The following SERPINB7 variants were observed in gnomAD, a reference collection of about 807,000 sequenced individuals.
The protein encoded by SERPINB7 is serpin family B member 7.
SERPINB7 carries 31 observed loss-of-function variants against 37.4 expected under a neutral mutation model. The observed-to-expected ratio is 0.83, with a 90% CI of 0.62 to 1.12. The LOEUF is 1.12. Ranked by LOEUF, SERPINB7 falls within the 50% of genes most tolerant of loss-of-function variation. The pLI is 0.00. For synonymous variants in SERPINB7, 163 were observed against 166.1 expected, an observed-to-expected ratio of 0.98 and a Z score of 0.14; for missense variants, 521 against 455.3, an observed-to-expected ratio of 1.14 and a Z score of -1.31.
At chr18:63,761,668 T>G (rs1018337684) in intron 1 of SERPINB7, among the ~76,000 whole-genome samples, 4 of 152,160 alleles carry the variant, frequency 2.6e-5, no homozygotes, top group Non-Finnish European at 4.4e-5. Context: ...TCCTGTGCTA[T>G]TCTCGTGATA....
intron 1 of SERPINB7, among the ~76,000 whole-genome samples, chr18:63,755,024 C>G (rs574345347): frequency 2.7e-5 from 4 of 148,368 alleles, no homozygotes; most frequent in South Asian, 2.1e-4. Context: ...CTCAGCCTCC[C>G]GAGTAGCTGG....
At chr18:63,780,543 C>G (rs1271852573) in intron 1 of SERPINB7, among the ~76,000 whole-genome samples, 1 of 152,146 alleles carries the variant, frequency 6.6e-6, no homozygotes, top group Non-Finnish European at 1.5e-5. Context: ...TTTCTCGTCT[C>G]CTTTGTTGCA....
Position 63,782,417 on chromosome 18 carries a change from G to T in SERPINB7, c.45G>T (p.Leu15=). 6.2e-7 allele frequency: 1 copy of T among 1,614,154 alleles called. No individual in the cohort carries two copies. The highest frequency in any genetic ancestry group is 2.2e-5 in the East Asian group (1 of 44,882). Residue 15 remains leucine, a synonymous_variant, in exon 2 of 8, where the codon CTG becomes CTT. Coordinates refer to ENST00000398019, the MANE Select transcript of SERPINB7 (RefSeq NM_003784.4). ...AAANAEFCFN[L]FREMDDNQGN... is the part of the protein sequence containing the mutation. ...CAAATGCAGAGTTTTGCTTCAACCT[G>T]TTCAGAGAGATGGATGACAATCAAG...
intron 1 of SERPINB7, among the ~76,000 whole-genome samples, chr18:63,761,390 G>A (rs147867204): frequency 0.093 from 14,105 of 152,200 alleles, 695 homozygotes; most frequent in Middle Eastern, 0.11. Flanking sequence ...CAGGCTCATA[G>A]ACAGAAGGGA....
upstream of SERPINB7, among the ~76,000 whole-genome samples, chr18:63,774,040 G>A (rs531117320): frequency 6.6e-6 from 1 of 152,172 alleles, no homozygotes; most frequent in Admixed American, 6.5e-5. Context: ...TTCAGCCTAT[G>A]AACACTGCAA....
chr18:63,783,263 A>AAAGG (rs1568208009), intron 2 of SERPINB7, among the ~76,000 whole-genome samples: 2 of 149,412 alleles, frequency 1.3e-5, no homozygotes, highest in African/African-American at 5.0e-5. Flanking sequence ...AGAAAGAAAG[A>AAAGG]AAGAAAGAAA....
At chr18:63,778,582 A>T (rs965007934) in intron 1 of SERPINB7, among the ~76,000 whole-genome samples, 6 of 152,282 alleles carry the variant, frequency 3.9e-5, no homozygotes, top group Admixed American at 3.9e-4. Flanking sequence ...TTAGGTCCAT[A>T]AAATAGTATC....
intron 1 of SERPINB7, among the ~76,000 whole-genome samples, chr18:63,766,883 G>A (rs2049183679): frequency 1.3e-5 from 2 of 152,154 alleles, no homozygotes; most frequent in Admixed American, 6.5e-5. Context: ...AAGGCAACTA[G>A]TTACATAAAC....
At position 63,804,965 on chromosome 18, in the gene SERPINB7, T is replaced by G; in HGVS notation, c.*330T>G. ...GGTAAGGAGAACGTAGAAGTAGCCC[T>G]AGGGATCCTTTTTGAAACTCTACAG... is the stretch of plus-strand genomic sequence containing the variant. On this transcript the variant is annotated 3_prime_UTR_variant, in exon 8 of 8. Transcript: ENST00000398019. The G allele has an allele frequency of 4.0e-6, 1 of 248,376 alleles. No homozygotes were observed. Among genetic ancestry groups the G allele is most frequent in the Non-Finnish European group, 7.7e-6 (1 of 129,572 alleles). 15.4% of individuals were successfully genotyped at this position (248,376 alleles called of 1,614,324 possible). A position where few individuals can be genotyped will look rare whatever the true frequency, so the allele number is the denominator to read the frequency against.
intron 2 of SERPINB7, among the ~76,000 whole-genome samples, chr18:63,788,207 T>C (rs2049392252): frequency 6.6e-6 from 1 of 152,190 alleles, no homozygotes; most frequent in African/African-American, 2.4e-5. Flanking sequence ...ATTGTTATCA[T>C]AGGATATGAT....
At chr18:63,753,885 A>G (rs2049106115) in intron 1 of SERPINB7, among the ~76,000 whole-genome samples, 1 of 152,230 alleles carries the variant, frequency 6.6e-6, no homozygotes, top group South Asian at 2.1e-4. Flanking sequence ...TGAGCTTTAG[A>G]ATAACTCCAT....
At chr18:63,773,395 A>G (rs893658879), upstream of SERPINB7, among the ~76,000 whole-genome samples, 1 of 152,112 alleles carries the variant, frequency 6.6e-6, no homozygotes, top group African/African-American at 2.4e-5. Context: ...AACATTAAGT[A>G]TTCCCAGGTC....
chr18:63,791,902 A>G (rs575312815), intron 2 of SERPINB7, among the ~76,000 whole-genome samples: 24 of 152,174 alleles, frequency 1.6e-4, no homozygotes, highest in Non-Finnish European at 2.6e-4. Flanking sequence ...GAGCCACCGC[A>G]CCCGGCCAGT....
Position 63,778,403 on chromosome 18 carries a change from T to G in SERPINB7, c.-19+2687T>G, listed in dbSNP as rs189265463. Among the ~76,000 whole-genome samples, 137 of 152,290 alleles carry G rather than the reference T, an allele frequency of 9.0e-4. 1 individual carries two copies. The highest frequency in any genetic ancestry group is 3.3e-3 in the African/African-American group (136 of 41,582). ...TAATCACATTCAAGGGATTATTCAT[T>G]TCTTTCCTATATGTATATCCTAATT... On this transcript the variant is annotated intron_variant, in intron 1 of 7. Transcript: ENST00000398019.
chr18:63,756,646 A>G (rs1248921015), intron 1 of SERPINB7, among the ~76,000 whole-genome samples: 1 of 152,152 alleles, frequency 6.6e-6, no homozygotes. Flanking sequence ...CATGCTCGGC[A>G]TTATTTGAGG....
At chr18:63,797,941 C>G (rs2049505509) in intron 5 of SERPINB7, among the ~76,000 whole-genome samples, 2 of 152,222 alleles carry the variant, frequency 1.3e-5, no homozygotes, top group African/African-American at 4.8e-5. Context: ...CTGCTCCCCA[C>G]TGTTCTTCAG....
At chr18:63,800,636 C>A (rs1235524438) in intron 6 of SERPINB7, among the ~76,000 whole-genome samples, 2 of 152,044 alleles carry the variant, frequency 1.3e-5, no homozygotes, top group Non-Finnish European at 2.9e-5. Context: ...AGTAACTCAC[C>A]CAAGGTCACA....
At chr18:63,768,623 T>A (rs1046090055) in intron 1 of SERPINB7, among the ~76,000 whole-genome samples, 2 of 152,214 alleles carry the variant, frequency 1.3e-5, no homozygotes, top group Non-Finnish European at 1.5e-5. Context: ...CCTATTAAGG[T>A]TTTGAAAAGT....
At chr18:63,794,703 C>A (rs1238115838) in intron 4 of SERPINB7, among the ~76,000 whole-genome samples, 7 of 140,584 alleles carry the variant, frequency 5.0e-5, no homozygotes, top group African/African-American at 1.4e-4. Flanking sequence ...AAACAAAAAA[C>A]AAATAAACAA....
Sources: allele counts gnomAD v4.1 joint callset (sites outside exome capture counted in the v4.1 genomes callset), GRCh38; gene constraint gnomAD v4.1.1; transcripts MANE v1.5; gene names NCBI Gene and HGNC (gene_info 2026-07-23, HGNC 2026-07-21).